WDFY4: variants seen among roughly 807,000 people sequenced by gnomAD.
WDFY4 encodes the protein WDFY family member 4.
WDFY4 carries 169 observed loss-of-function variants against 351.9 expected under a neutral mutation model. The ratio of observed to expected loss-of-function variants is 0.48; its 90% CI spans 0.42 to 0.55. WDFY4 has a LOEUF of 0.55. Among genes scored for constraint, WDFY4 ranks in the 20% least tolerant of loss-of-function variants. WDFY4 has a pLI of 0.00. For missense variants in WDFY4, 3,803 were observed against 3,935.6 expected, an observed-to-expected ratio of 0.97 and a Z score of 0.90; for synonymous variants, 1,622 against 1,574.6, an observed-to-expected ratio of 1.03 and a Z score of -0.71.
chr10:48,982,583 G>T lies in WDFY4; in HGVS notation c.*8G>T. The stretch of plus-strand genomic sequence containing the variant: ...TGGTCTGCAGATGGGTAGGAAGAGA[G>T]AGGCAGCAGAGGCTCTGGCACAACA... On this transcript the variant is annotated 3_prime_UTR_variant, in exon 62 of 62. Transcript: ENST00000325239. The T allele has an allele frequency of 1.3e-6, 2 of 1,549,546 alleles. No homozygotes were observed. Among genetic ancestry groups the T allele is most frequent in the Non-Finnish European group, 1.7e-6 (2 of 1,145,614 alleles).
At chr10:48,720,710 G>C (rs933528892) in intron 3 of WDFY4, among the ~76,000 whole-genome samples, 4 of 152,274 alleles carry the variant, frequency 2.6e-5, no homozygotes, top group African/African-American at 9.6e-5. Flanking sequence ...TAGGATTGAA[G>C]ATGCACCTGT....
intron 1 of WDFY4, among the ~76,000 whole-genome samples, chr10:48,688,907 C>T (rs2063125317): frequency 6.6e-6 from 1 of 152,162 alleles, no homozygotes; most frequent in African/African-American, 2.4e-5. Flanking sequence ...TTATCACCTA[C>T]TGAGCTGGCT....
At chr10:48,871,543 A>G (rs1254607514) in intron 40 of WDFY4, among the ~76,000 whole-genome samples, 1 of 150,368 alleles carries the variant, frequency 6.7e-6, no homozygotes, top group Non-Finnish European at 1.5e-5. Context: ...CATGTAAATC[A>G]TAGCCCACAG....
chr10:48,848,691 G>A (rs1021658379), intron 39 of WDFY4, among the ~76,000 whole-genome samples: 7 of 152,190 alleles, frequency 4.6e-5, no homozygotes, highest in Non-Finnish European at 8.8e-5. Flanking sequence ...TCATGACCTT[G>A]AGGAGCTGAT....
Position 48,778,699 on chromosome 10 carries a change from C to T in WDFY4, c.3264C>T (p.His1088=), listed in dbSNP as rs908339846. ...ISRHGAATEG[H]PLRFLTLVRH... ...GGCATGGAGCTGCCACTGAGGGCCA[C>T]CCGCTGCGCTTCCTGACGTTGGTGC... The change falls in exon 18 of 62, where the codon CAC becomes CAT. Residue 1088 remains histidine (H), a synonymous_variant. Transcript: ENST00000325239. 1 of 1,551,600 alleles carries T rather than the reference C, an allele frequency of 6.4e-7. No homozygotes were observed. Among genetic ancestry groups the T allele is most frequent in the African/African-American group, 1.4e-5 (1 of 73,076 alleles).
chr10:48,823,910 A>G (rs138254517), intron 35 of WDFY4: 63 of 985,680 alleles, frequency 6.4e-5, no homozygotes, highest in East Asian at 5.7e-4. Context: ...AAACCCCAAC[A>G]GGTTTAAACA....
intron 1 of WDFY4, among the ~76,000 whole-genome samples, chr10:48,694,059 A>G (rs1283532428): frequency 1.3e-5 from 2 of 152,234 alleles, no homozygotes; most frequent in African/African-American, 4.8e-5. Context: ...TATTCTGATC[A>G]AATTATTCTT....
At chr10:48,974,141 C>T (rs1470923186) in intron 57 of WDFY4, among the ~76,000 whole-genome samples, 2 of 152,124 alleles carry the variant, frequency 1.3e-5, no homozygotes, top group Non-Finnish European at 2.9e-5. Flanking sequence ...TTCTAAGAGG[C>T]TACTTGCTGC....
chr10:48,742,508 G>T (rs1345522248), intron 11 of WDFY4, among the ~76,000 whole-genome samples: 1 of 152,214 alleles, frequency 6.6e-6, no homozygotes, highest in African/African-American at 2.4e-5. Flanking sequence ...TTAGCAAATT[G>T]TCATTAAGTG....
intron 49 of WDFY4, among the ~76,000 whole-genome samples, 155 bp downstream of exon 49, chr10:48,943,604 T>A (rs7895962): frequency 1.2e-4 from 18 of 152,096 alleles, no homozygotes; most frequent in Non-Finnish European, 2.1e-4. Context: ...ATCTCTTTTT[T>A]TTTTTTGAGA....
At chr10:48,849,817 T>G (rs1439543497) in intron 39 of WDFY4, among the ~76,000 whole-genome samples, 1 of 152,244 alleles carries the variant, frequency 6.6e-6, no homozygotes, top group Non-Finnish European at 1.5e-5. Context: ...TCATCATATT[T>G]ATCTGCTAAC....
intron 41 of WDFY4, among the ~76,000 whole-genome samples, chr10:48,874,286 T>C (rs994852683): frequency 2.6e-5 from 4 of 152,228 alleles, no homozygotes; most frequent in African/African-American, 4.8e-5. Context: ...CGCAAACTCT[T>C]ATTTTGCCTT....
At chr10:48,865,581 G>A (rs966086226) in intron 39 of WDFY4, among the ~76,000 whole-genome samples, 2 of 152,174 alleles carry the variant, frequency 1.3e-5, no homozygotes, top group African/African-American at 4.8e-5. Flanking sequence ...CCCATAGAAT[G>A]TGTTGGGAAG....
At chr10:48,972,565 T>C (rs1842383342) in intron 57 of WDFY4, among the ~76,000 whole-genome samples, 1 of 152,268 alleles carries the variant, frequency 6.6e-6, no homozygotes, top group Non-Finnish European at 1.5e-5. Flanking sequence ...TGTTTTGTTA[T>C]GTCAGTGCAC....
intron 2 of WDFY4, among the ~76,000 whole-genome samples, chr10:48,714,738 G>C (rs764221434): frequency 1.3e-5 from 2 of 152,228 alleles, no homozygotes; most frequent in Non-Finnish European, 2.9e-5. Context: ...AGAGAAAGCA[G>C]AAAGTAAAAT....
intron 39 of WDFY4, among the ~76,000 whole-genome samples, chr10:48,849,842 A>G (rs897301680): frequency 1.3e-5 from 2 of 152,210 alleles, no homozygotes; most frequent in African/African-American, 4.8e-5. Context: ...AATTCAATCC[A>G]GGGTACCACA....
Position 48,723,576 on chromosome 10 carries a change from A to C in WDFY4, c.591+9A>C. 1 of 1,551,674 alleles carries C rather than the reference A, an allele frequency of 6.4e-7. No individual in the cohort carries two copies. Among genetic ancestry groups the C allele is most frequent in the East Asian group, 2.4e-5 (1 of 40,914 alleles). On this transcript the variant is annotated intron_variant, in intron 5 of 61. Coordinates refer to ENST00000325239, the MANE Select transcript of WDFY4 (RefSeq NM_001394531.1). ...AAAAGATGTTCGTGCAGGTGAGTTC[A>C]AGGAGGGCCTCCAATTCCCTGGGTC... is the stretch of plus-strand genomic sequence containing the variant.
At chr10:48,852,252 T>C (rs2068980058) in intron 39 of WDFY4, among the ~76,000 whole-genome samples, 1 of 152,176 alleles carries the variant, frequency 6.6e-6, no homozygotes, top group African/African-American at 2.4e-5. Flanking sequence ...AAGACGCCCA[T>C]AGTGACAGAG....
intron 35 of WDFY4, chr10:48,823,212 T>G (rs1191450520): frequency 3.8e-6 from 5 of 1,303,780 alleles, no homozygotes; most frequent in Non-Finnish European, 5.1e-6. Context: ...TAGAGACTTT[T>G]CCTGACAAGC....
Sources: allele counts gnomAD v4.1 joint callset (sites outside exome capture counted in the v4.1 genomes callset), GRCh38; gene constraint gnomAD v4.1.1; transcripts MANE v1.5; gene names NCBI Gene and HGNC (gene_info 2026-07-23, HGNC 2026-07-21).